The following UBAP2L variants were observed in gnomAD, a reference collection of about 807,000 sequenced individuals.
UBAP2L encodes ubiquitin associated protein 2 like.
In UBAP2L, 12 loss-of-function variants were observed where a neutral mutation model predicts 130.6. The ratio of observed to expected loss-of-function variants is 0.09; its 90% CI spans 0.06 to 0.15. UBAP2L has a LOEUF of 0.15. Among genes scored for constraint, UBAP2L ranks in the 10% least tolerant of loss-of-function variants. The probability of loss-of-function intolerance (pLI) is 1.00; values close to 1 mark genes in which losing one functional copy is unlikely to be tolerated. For missense variants in UBAP2L, 965 were observed against 1,332.5 expected (o/e 0.72, Z 4.29); for synonymous variants, 503 against 524.7 (o/e 0.96, Z 0.57).
At chr1:154,221,007 GGCGGCGGCGGCA>G (rs1467283655) in intron 1 of UBAP2L, 32 bp downstream of exon 1, 2 of 198,862 alleles carry the variant, frequency 1.0e-5, no homozygotes, top group Non-Finnish European at 1.0e-5. Context: ...CGTTGGCGGC[GGCGGCGGCGGCA>G]GCGGCAGCGC....
intron 14 of UBAP2L, among the ~76,000 whole-genome samples, chr1:154,252,043 G>A (rs534889311): frequency 6.6e-5 from 10 of 152,018 alleles, no homozygotes; most frequent in African/African-American, 1.7e-4. Flanking sequence ...GTGCGATCTC[G>A]GCTTACTGCA....
At chr1:154,237,962 C>T (rs1672223399) in intron 8 of UBAP2L, among the ~76,000 whole-genome samples, 1 of 152,218 alleles carries the variant, frequency 6.6e-6, no homozygotes, top group African/African-American at 2.4e-5. Flanking sequence ...CTGCCTCATT[C>T]TGGCTGAGCT....
At chr1:154,223,468 G>A (rs1248048827) in intron 1 of UBAP2L, among the ~76,000 whole-genome samples, 2 of 151,746 alleles carry the variant, frequency 1.3e-5, no homozygotes, top group East Asian at 1.9e-4. Flanking sequence ...ATATATATAC[G>A]TATATATGTG....
chr1:154,252,798 A>G (rs1337746743), intron 14 of UBAP2L, among the ~76,000 whole-genome samples: 4 of 152,170 alleles, frequency 2.6e-5, no homozygotes, highest in South Asian at 2.1e-4. Flanking sequence ...AATGGAGATG[A>G]TCTGCCCACC....
intron 1 of UBAP2L, among the ~76,000 whole-genome samples, chr1:154,223,318 C>A (rs970273269): frequency 3.3e-5 from 5 of 152,028 alleles, no homozygotes; most frequent in Non-Finnish European, 1.5e-5. Flanking sequence ...TATAACTTAT[C>A]CTCACAAATA....
chr1:154,243,751 G>A (rs565778325), intron 10 of UBAP2L, among the ~76,000 whole-genome samples: 29 of 151,978 alleles, frequency 1.9e-4, no homozygotes, highest in Admixed American at 3.3e-4. Flanking sequence ...ATGAACCACC[G>A]CGCCAGTTGA....
Position 154,257,237 on chromosome 1 carries a change from A to T in UBAP2L, c.2332A>T (p.Ser778Cys). The T allele has an allele frequency of 3.7e-6, 6 of 1,614,228 alleles. No individual in the cohort carries two copies. Among genetic ancestry groups the T allele is most frequent in the Non-Finnish European group, 5.1e-6 (6 of 1,180,028 alleles). ...CTCCACTGTCACAGCCTCGACTCGA[A>T]GCTCAGTTGCTACGACTTCAGGTAG... ...SNSTVTASTRSSVATTSGKAP... is the reference protein window; with the variant it reads ...SNSTVTASTRCSVATTSGKAP... Residue 778 changes from serine (S) to cysteine (C), a missense_variant, in exon 19 of 27, where the codon AGC becomes TGC. This residue lies in a region of UBAP2L where 393 missense variants were observed against 408.1 expected (regional missense o/e 0.96). Coordinates refer to ENST00000428931, the MANE Select transcript of UBAP2L (RefSeq NM_014847.4).
At chr1:154,225,248 C>T (rs747581296) in intron 2 of UBAP2L, 35 bp downstream of exon 2, 9 of 1,601,762 alleles carry the variant, frequency 5.6e-6, no homozygotes, top group East Asian at 2.2e-5. Flanking sequence ...TCATGGATAG[C>T]GTTGCCTGCT....
downstream of UBAP2L, chr1:154,271,123 G>C: frequency 1.6e-6 from 1 of 636,634 alleles, no homozygotes. Context: ...TCCAGAAACT[G>C]CTACATCTAC....
intron 4 of UBAP2L, among the ~76,000 whole-genome samples, chr1:154,234,277 C>T (rs535613664): frequency 1.5e-3 from 223 of 152,052 alleles, no homozygotes; most frequent in Non-Finnish European, 2.6e-3. Flanking sequence ...GCACGAGAAT[C>T]GCTTGAACCT....
chr1:154,249,011 G>A (rs1422642233), intron 11 of UBAP2L, among the ~76,000 whole-genome samples: 7 of 152,094 alleles, frequency 4.6e-5, no homozygotes, highest in African/African-American at 1.7e-4. Context: ...TCCAGATGAG[G>A]AAAGAGAGAT....
intron 20 of UBAP2L, among the ~76,000 whole-genome samples, chr1:154,258,197 C>G (rs772724475): frequency 2.0e-5 from 3 of 152,068 alleles, no homozygotes; most frequent in Admixed American, 6.5e-5. Context: ...TCTCAAAATC[C>G]CAGGTTCAGA....
intron 4 of UBAP2L, among the ~76,000 whole-genome samples, chr1:154,230,234 T>G (rs1669377967): frequency 6.6e-6 from 1 of 152,206 alleles, no homozygotes; most frequent in Non-Finnish European, 1.5e-5. Flanking sequence ...CTTGAACTCC[T>G]GAGCTCAGGC....
Position 154,266,530 on chromosome 1 carries a change from G to T in UBAP2L, c.2932G>T (p.Val978Leu). 6.2e-7 allele frequency: 1 copy of T among 1,614,142 alleles called. No homozygotes were observed. The stretch of plus-strand genomic sequence containing the variant: ...TTCAGTCACCTCCAGTAACACGGGC[G>T]TGCCAGATATCTCGGGTTCTGTGTA... ...GVSVTSSNTGVPDISGSVYSK... is the reference protein window; with the variant it reads ...GVSVTSSNTGLPDISGSVYSK... The change falls in exon 25 of 27, where the codon GTG becomes TTG. Residue 978 changes from valine (V) to leucine (L), a missense_variant. Around this residue, in one of 9 missense-constraint regions of UBAP2L, gnomAD observed 194 missense variants for 334.0 expected, o/e 0.58. Transcript: ENST00000428931.
chr1:154,236,455 C>A, intron 6 of UBAP2L, 111 bp from the exon 7 acceptor site: 1 of 1,167,422 alleles, frequency 8.6e-7, no homozygotes, highest in Non-Finnish European at 1.3e-6. Context: ...CGCCCTCAGC[C>A]TTTCAAAGTG....
intron 10 of UBAP2L, among the ~76,000 whole-genome samples, chr1:154,243,986 G>A (rs555220639): frequency 6.6e-6 from 1 of 152,272 alleles, no homozygotes; most frequent in Non-Finnish European, 1.5e-5. Context: ...CTGTTCAGCA[G>A]TTTATTCTCC....
At chr1:154,269,568 T>C in intron 26 of UBAP2L, 1 of 436,960 alleles carries the variant, frequency 2.3e-6, no homozygotes, top group Non-Finnish European at 4.2e-6. Context: ...CCTTCCTCTC[T>C]CCTCCTCCCC....
rs769856118 is a variant in UBAP2L, at chr1:154,270,759, G to GTTTTTTTTT, written c.*466_*474dup. 1.5e-5 allele frequency: 17 copies of GTTTTTTTTT among 1,139,660 alleles called. 1 individual carries two copies. The highest frequency in any genetic ancestry group is 4.2e-5 in the East Asian group (1 of 23,596). 70.6% of individuals were successfully genotyped at this position (1,139,660 alleles called of 1,614,324 possible). On this transcript the variant is annotated 3_prime_UTR_variant, in exon 27 of 27. Transcript: ENST00000428931. ...ATTGTCAGATGAATTAGTTGAAGTG[G>GTTTTTTTTT]TTTTTTTTTTGTTTTTTTTTTTTTT...
In UBAP2L at chr1:154,270,669, T is replaced by G. The variant is rs1026670708; in HGVS notation, c.*374T>G. 1.4e-6 allele frequency: 2 copies of G among 1,412,106 alleles called. No individual in the cohort carries two copies. The allele number at this position is 1,412,106 out of a possible 1,614,324, so 87.5% of individuals were successfully genotyped here. ...ATCAGCCCAACAGCCCTAAGTCTCC[T>G]TCTTTATTATTAGGAAAACAACAAC... On this transcript the variant is annotated 3_prime_UTR_variant, in exon 27 of 27. Coordinates refer to ENST00000428931, the MANE Select transcript of UBAP2L (RefSeq NM_014847.4).
Sources: gnomAD v4.1 joint callset for allele counts (sites outside exome capture counted in the v4.1 genomes callset) on GRCh38, gnomAD v4.1.1 for gene constraint, gnomAD v4.1.1 regional missense constraint, MANE v1.5 for transcripts, NCBI Gene and HGNC (gene_info 2026-07-23, HGNC 2026-07-21) for gene names.